Variants in BLTP1 observed in about 807,000 individuals in gnomAD.
BLTP1 encodes fragile site-associated protein.
chr4:122,295,749 T>A, the BLTP1 span, among the ~76,000 whole-genome samples: 29 of 152,160 alleles, frequency 1.9e-4, no homozygotes, highest in Non-Finnish European at 3.7e-4. Context: ...TCCACCACAA[T>A]CAAGTGGGCT....
the BLTP1 span, chr4:122,351,401 T>A: frequency 5.4e-6 from 1 of 186,732 alleles, no homozygotes; most frequent in East Asian, 1.9e-4. Context: ...TCATACCATT[T>A]TGTAGGTCAA....
At chr4:122,224,533 T>C in the BLTP1 span, 1 of 1,613,756 alleles carries the variant, frequency 6.2e-7, no homozygotes, top group Admixed American at 1.7e-5. Flanking sequence ...TCAGGGAAGG[T>C]CACATCAATT....
At chr4:122,279,716 A>G in the BLTP1 span, 7 of 1,527,450 alleles carry the variant, frequency 4.6e-6, no homozygotes, top group East Asian at 4.7e-5. Context: ...TATTTTTTCA[A>G]AATTTCTCTT....
At chr4:122,306,458 A>G in the BLTP1 span, 1 of 599,822 alleles carries the variant, frequency 1.7e-6, no homozygotes, top group Non-Finnish European at 2.1e-6. Context: ...TGGAAAAGAA[A>G]ACAAAGTAGA....
At chr4:122,357,932 C>T in the BLTP1 span, among the ~76,000 whole-genome samples, 1 of 152,106 alleles carries the variant, frequency 6.6e-6, no homozygotes, top group East Asian at 1.9e-4. Flanking sequence ...CATTGAAATG[C>T]TCTTTTATTA....
At chr4:122,312,983 C>A in the BLTP1 span, 1 of 576,234 alleles carries the variant, frequency 1.7e-6, no homozygotes, top group Non-Finnish European at 2.2e-6. Flanking sequence ...TCAACTTTTA[C>A]TATGTAAAAT....
chr4:122,320,577 T>C, the BLTP1 span, among the ~76,000 whole-genome samples: 4 of 152,192 alleles, frequency 2.6e-5, no homozygotes, highest in Admixed American at 6.5e-5. Context: ...TGAAATCTGC[T>C]CTGTCTGAAA....
the BLTP1 span, among the ~76,000 whole-genome samples, chr4:122,341,335 T>G: frequency 2.6e-5 from 4 of 152,174 alleles, no homozygotes; most frequent in African/African-American, 9.6e-5. Flanking sequence ...AAATTTAATT[T>G]TAATCATTGT....
At chr4:122,169,479 C>CT in the BLTP1 span, 151 of 243,262 alleles carry the variant, frequency 6.2e-4, no homozygotes, top group South Asian at 3.3e-3. Context: ...TTAAGTCTAG[C>CT]TTTTTTTTTG....
chr4:122,205,707 CCTCTCTCT>C, the BLTP1 span, among the ~76,000 whole-genome samples: 6 of 130,470 alleles, frequency 4.6e-5, no homozygotes, highest in African/African-American at 1.4e-4. Flanking sequence ...CAATTGTTTC[CCTCTCTCT>C]CTCTCTCTAA....
chr4:122,324,596 C>A, the BLTP1 span: 2 of 1,354,292 alleles, frequency 1.5e-6, no homozygotes, highest in South Asian at 1.5e-5. Context: ...TTACCAAGGT[C>A]AACTACTTTT....
chr4:122,221,113 C>G, the BLTP1 span: 203 of 914,014 alleles, frequency 2.2e-4, 1 homozygote, highest in Non-Finnish European at 5.0e-5. Context: ...ATAAATGGAA[C>G]TTAATACAAG....
chr4:122,205,681 A>C, the BLTP1 span, among the ~76,000 whole-genome samples: 1 of 146,968 alleles, frequency 6.8e-6, no homozygotes, highest in African/African-American at 2.5e-5. Flanking sequence ...AGTCTGTGCT[A>C]TAATAATACT....
At chr4:122,199,619 T>A in the BLTP1 span, among the ~76,000 whole-genome samples, 1 of 152,154 alleles carries the variant, frequency 6.6e-6, no homozygotes, top group Non-Finnish European at 1.5e-5. Context: ...CCTGTTGGCA[T>A]CTCTCTGTTG....
the BLTP1 span, among the ~76,000 whole-genome samples, chr4:122,332,612 G>A: frequency 3.7e-5 from 5 of 135,112 alleles, no homozygotes; most frequent in African/African-American, 1.4e-4. Context: ...TCCATTTACT[G>A]TAAAAATAAA....
At chr4:122,359,693 C>A in the BLTP1 span, 1 of 1,610,592 alleles carries the variant, frequency 6.2e-7, no homozygotes, top group Non-Finnish European at 8.5e-7. Context: ...ATTTTATGTG[C>A]AATACATGGC....
At chr4:122,231,105 G>C in the BLTP1 span, among the ~76,000 whole-genome samples, 1 of 152,092 alleles carries the variant, frequency 6.6e-6, no homozygotes, top group Non-Finnish European at 1.5e-5. Context: ...CATTATAAAT[G>C]ATAGAGGAAC....
chr4:122,324,402 C>T, the BLTP1 span: 1 of 1,604,242 alleles, frequency 6.2e-7, no homozygotes, highest in Non-Finnish European at 8.5e-7. Context: ...CTATAGTCAC[C>T]CTTTTTTCTC....
the BLTP1 span, chr4:122,207,567 C>T: frequency 1.9e-6 from 3 of 1,565,546 alleles, no homozygotes; most frequent in Non-Finnish European, 2.6e-6. Flanking sequence ...TGGAGAAACA[C>T]TAAACATTGA....
Sources: gnomAD v4.1 joint callset for allele counts (sites outside exome capture counted in the v4.1 genomes callset) on GRCh38, gnomAD v4.1.1 for gene constraint, MANE v1.5 for transcripts, NCBI Gene and HGNC (gene_info 2026-07-23, HGNC 2026-07-21) for gene names.